Variants in SND1 observed in about 807,000 individuals in gnomAD.
The protein encoded by SND1 is staphylococcal nuclease and tudor domain containing 1, also known as staphylococcal nuclease domain-containing protein 1.
A neutral mutation model predicts 121.7 loss-of-function variants in SND1; 38 were observed. The observed-to-expected ratio is 0.31, with a 90% CI of 0.24 to 0.41. The LOEUF (loss-of-function observed/expected upper bound fraction) is 0.41, where lower values mean the gene tolerates loss of function less well. Among genes scored for constraint, SND1 ranks in the 10% least tolerant of loss-of-function variants. SND1 has a pLI of 1.00. For synonymous variants in SND1, 401 were observed against 447.4 expected (o/e 0.90, Z 1.31); for missense variants, 868 against 1,184.6 (o/e 0.73, Z 3.92).
chr7:127,745,287 G>A (rs779521938), intron 10 of SND1, among the ~76,000 whole-genome samples: 19 of 152,132 alleles, frequency 1.2e-4, no homozygotes, highest in Non-Finnish European at 2.1e-4. Context: ...GAATACTGTA[G>A]GCAGTTGTAA....
intron 12 of SND1, among the ~76,000 whole-genome samples, chr7:127,878,607 G>A (rs774274262): frequency 9.2e-5 from 14 of 151,908 alleles, no homozygotes; most frequent in African/African-American, 1.2e-4. Flanking sequence ...ATTTTTCTCC[G>A]TTTTCAATCT....
chr7:127,810,443 T>C (rs1798316307), intron 11 of SND1, among the ~76,000 whole-genome samples: 1 of 152,236 alleles, frequency 6.6e-6, no homozygotes, highest in Admixed American at 6.5e-5. Flanking sequence ...ATCTGCCCTC[T>C]TTCACTAAAA....
intron 11 of SND1, among the ~76,000 whole-genome samples, chr7:127,815,281 G>A (rs1165896013): frequency 6.6e-6 from 1 of 152,118 alleles, no homozygotes; most frequent in Non-Finnish European, 1.5e-5. Context: ...AAAATTAAGT[G>A]ATACTGGATT....
At chr7:128,031,827 T>G (rs1187090555) in intron 16 of SND1, among the ~76,000 whole-genome samples, 2 of 149,446 alleles carry the variant, frequency 1.3e-5, no homozygotes, top group Non-Finnish European at 3.0e-5. Context: ...GCTCCGGCTT[T>G]GTGCGGAGGG....
rs1177157132 is a variant in SND1 at position 128,085,120 on chromosome 7, C to T, written c.2234+273C>T. ...AGCCCTTGCTGGCTGGCTGGCTGGCCGGCCGGCCAGGCTGTCCAGCACACC... is the reference window on the plus strand; with the variant it reads ...AGCCCTTGCTGGCTGGCTGGCTGGCTGGCCGGCCAGGCTGTCCAGCACACC... On this transcript the variant is annotated intron_variant, in intron 19 of 23. Coordinates refer to ENST00000354725, the MANE Select transcript of SND1 (RefSeq NM_014390.4). The surrounding 1 kb of genome is among the most constrained non-coding windows in gnomAD (Gnocchi z 4.4). Among the ~76,000 whole-genome samples the T allele has an allele frequency of 2.0e-5, 3 of 152,136 alleles. No individual in the cohort carries two copies. The highest frequency in any genetic ancestry group is 2.9e-5 in the Non-Finnish European group (2 of 67,962).
intron 16 of SND1, among the ~76,000 whole-genome samples, chr7:128,032,329 C>G (rs1792649422): frequency 6.6e-6 from 1 of 151,310 alleles, no homozygotes; most frequent in Admixed American, 6.6e-5. Context: ...TCCCCCCTCC[C>G]CGGGCCGCTT....
chr7:128,088,542 TC>T (rs1443241802), intron 21 of SND1, among the ~76,000 whole-genome samples: 3 of 138,102 alleles, frequency 2.2e-5, no homozygotes, highest in Non-Finnish European at 4.6e-5. Flanking sequence ...AACCTCTCCC[TC>T]CCAGGTTGAA....
At chr7:127,862,814 C>T (rs1799404183) in intron 12 of SND1, among the ~76,000 whole-genome samples, 1 of 152,176 alleles carries the variant, frequency 6.6e-6, no homozygotes, top group Non-Finnish European at 1.5e-5. Context: ...ATATCTTTAT[C>T]AGCTCAGGGT....
intron 1 of SND1, among the ~76,000 whole-genome samples, chr7:127,657,265 G>A (rs1349007175): frequency 6.6e-6 from 1 of 152,142 alleles, no homozygotes; most frequent in East Asian, 1.9e-4. Flanking sequence ...CAAGAAATAA[G>A]CATGATCATA....
At chr7:127,764,153 A>G (rs1374053038) in intron 10 of SND1, among the ~76,000 whole-genome samples, 1 of 152,174 alleles carries the variant, frequency 6.6e-6, no homozygotes, top group Non-Finnish European at 1.5e-5. Context: ...TAATGATACA[A>G]TTTTTTATGG....
At chr7:127,850,482 T>G (rs1157559094) in intron 12 of SND1, among the ~76,000 whole-genome samples, 3 of 152,222 alleles carry the variant, frequency 2.0e-5, no homozygotes, top group African/African-American at 4.8e-5. Flanking sequence ...GCAGTGGCTC[T>G]GCCGGGAGGT....
At chr7:128,008,342 C>T (rs1249842493) in intron 16 of SND1, among the ~76,000 whole-genome samples, 4 of 152,166 alleles carry the variant, frequency 2.6e-5, no homozygotes, top group East Asian at 1.9e-4. Flanking sequence ...AATTTTCCAT[C>T]GCTTTCCCTG....
At chr7:127,994,878 ATTTT>A (rs574116167) in intron 16 of SND1, among the ~76,000 whole-genome samples, 1 of 147,102 alleles carries the variant, frequency 6.8e-6, no homozygotes, top group Admixed American at 6.8e-5. Flanking sequence ...TGCTCGGCTA[ATTTT>A]TTTTTTTGTT....
At chr7:128,007,470 T>C (rs1444346303) in intron 16 of SND1, among the ~76,000 whole-genome samples, 3 of 152,234 alleles carry the variant, frequency 2.0e-5, no homozygotes, top group Non-Finnish European at 4.4e-5. Flanking sequence ...ACGAGGCAAC[T>C]AGTGCAGCAG....
At chr7:127,664,761 T>C (rs1409310008) in intron 1 of SND1, among the ~76,000 whole-genome samples, 1 of 152,114 alleles carries the variant, frequency 6.6e-6, no homozygotes, top group Non-Finnish European at 1.5e-5. Flanking sequence ...TTTTGACTTG[T>C]GGGATCTGAC....
chr7:127,863,252 C>T (rs1329999356), intron 12 of SND1, among the ~76,000 whole-genome samples: 2 of 152,130 alleles, frequency 1.3e-5, no homozygotes, highest in Non-Finnish European at 2.9e-5. Flanking sequence ...GTCCAGTATC[C>T]CACACAGCTT....
At chr7:127,671,266 A>G (rs1333575163) in intron 1 of SND1, among the ~76,000 whole-genome samples, 9 of 152,242 alleles carry the variant, frequency 5.9e-5, no homozygotes, top group Admixed American at 5.2e-4. Context: ...GAGAAAAGTT[A>G]GAATAATAGA....
intron 1 of SND1, among the ~76,000 whole-genome samples, chr7:127,676,905 C>A (rs1057330145): frequency 1.1e-4 from 17 of 152,310 alleles, no homozygotes; most frequent in African/African-American, 3.6e-4. Context: ...CCGTGTCCAG[C>A]TAATTTTTGT....
intron 16 of SND1, among the ~76,000 whole-genome samples, chr7:128,020,710 T>C (rs6467157): frequency 0.23 from 35,232 of 152,120 alleles, 4,514 homozygotes; most frequent in Middle Eastern, 0.31. Flanking sequence ...TCGGAGTGGA[T>C]GTGGACTTAC....
Sources: gnomAD v4.1 joint callset for allele counts (sites outside exome capture counted in the v4.1 genomes callset) on GRCh38, gnomAD v4.1.1 for gene constraint, Gnocchi (gnomAD v3.1) non-coding constraint, MANE v1.5 for transcripts, NCBI Gene and HGNC (gene_info 2026-07-23, HGNC 2026-07-21) for gene names.